Variants in ELOVL2 observed in about 807,000 individuals in gnomAD.
ELOVL2 encodes the protein very long chain fatty acid elongase 2.
A neutral mutation model predicts 37.7 loss-of-function variants in ELOVL2; 38 were observed. The ratio of observed to expected loss-of-function variants is 1.01; its 90% CI spans 0.78 to 1.32. The LOEUF is 1.32. ELOVL2 is among the 40% of genes most tolerant of loss of function. The probability of loss-of-function intolerance (pLI) is 0.00; values close to 1 mark genes in which losing one functional copy is unlikely to be tolerated. For synonymous variants in ELOVL2, 115 were observed against 122.3 expected (o/e 0.94, Z 0.40); for missense variants, 352 against 363.6 (o/e 0.97, Z 0.26).
chr6:11,024,452 C>G (rs1232187097), intron 1 of ELOVL2, among the ~76,000 whole-genome samples: 1 of 152,004 alleles, frequency 6.6e-6, no homozygotes, highest in Non-Finnish European at 1.5e-5. Context: ...TTTTAATATT[C>G]CTATTATTAG....
chr6:11,039,421 C>T (rs1283651147), intron 1 of ELOVL2, among the ~76,000 whole-genome samples: 2 of 152,142 alleles, frequency 1.3e-5, no homozygotes, highest in African/African-American at 4.8e-5. Flanking sequence ...TTAATCAGTT[C>T]CATGATATTT....
chr6:11,026,335 T>G (rs893273009), intron 1 of ELOVL2, among the ~76,000 whole-genome samples: 1 of 152,208 alleles, frequency 6.6e-6, no homozygotes, highest in Non-Finnish European at 1.5e-5. Context: ...GCCAACTCAT[T>G]TGCATAGCCT....
chr6:11,025,211 G>T (rs1782822323), intron 1 of ELOVL2, among the ~76,000 whole-genome samples: 1 of 151,994 alleles, frequency 6.6e-6, no homozygotes, highest in Non-Finnish European at 1.5e-5. Context: ...CCTCCCCTCG[G>T]GTTCCCACTC....
At chr6:10,995,937 G>T (rs554627385) in intron 4 of ELOVL2, among the ~76,000 whole-genome samples, 12 of 152,214 alleles carry the variant, frequency 7.9e-5, no homozygotes, top group Non-Finnish European at 1.5e-4. Context: ...CTGTCCAAGG[G>T]CAGTCTATGG....
chr6:11,031,724 G>A (rs957582675), intron 1 of ELOVL2, among the ~76,000 whole-genome samples: 1 of 151,904 alleles, frequency 6.6e-6, no homozygotes, highest in Admixed American at 6.6e-5. Context: ...TATGGTTTGT[G>A]TTTAATCTTG....
chr6:11,030,771 C>T (rs1293978696), intron 1 of ELOVL2, among the ~76,000 whole-genome samples: 3 of 152,156 alleles, frequency 2.0e-5, no homozygotes, highest in South Asian at 2.1e-4. Flanking sequence ...GGATTACATG[C>T]GTGAGCCACC....
chr6:10,991,558 A>G (rs1427816021), intron 5 of ELOVL2, among the ~76,000 whole-genome samples: 1 of 152,244 alleles, frequency 6.6e-6, no homozygotes, highest in African/African-American at 2.4e-5. Flanking sequence ...TGGCTAATAA[A>G]TCAATTTAAA....
chr6:11,010,947 T>A, intron 1 of ELOVL2, 138 bp from the exon 2 acceptor site: 1 of 644,732 alleles, frequency 1.6e-6, no homozygotes, highest in Non-Finnish European at 2.7e-6. Context: ...CTGCAAAGAC[T>A]TAAGGAAAGA....
Position 10,983,592 on chromosome 6 carries a change from C to T in ELOVL2, c.*189G>A, listed in dbSNP as rs1397405351. ...AGGTCCTCGGAGGTGAGCATCACCT[C>T]AATGCTGATCAAAGCATTCAGTTAA... On this transcript the variant is annotated 3_prime_UTR_variant, in exon 8 of 8. Transcript: ENST00000354666. 5.0e-6 allele frequency: 3 copies of T among 599,678 alleles called. No homozygotes were observed. Among genetic ancestry groups the T allele is most frequent in the Non-Finnish European group, 8.1e-6 (3 of 371,262 alleles). The allele number at this position is 599,678 out of a possible 1,614,324, so 37.1% of individuals were successfully genotyped here.
At chr6:11,000,791 C>T (rs1273425890) in intron 3 of ELOVL2, among the ~76,000 whole-genome samples, 1 of 152,154 alleles carries the variant, frequency 6.6e-6, no homozygotes, top group African/African-American at 2.4e-5. Flanking sequence ...AGTTCCTTGC[C>T]TAGTACCTGC....
chr6:10,987,347 C>G (rs996457947), intron 7 of ELOVL2, among the ~76,000 whole-genome samples: 7 of 152,034 alleles, frequency 4.6e-5, no homozygotes, highest in Non-Finnish European at 7.4e-5. Flanking sequence ...TCTCTATTTC[C>G]TTCAGTTCTG....
At chr6:10,988,208 A>G (rs1184677897) in intron 7 of ELOVL2, among the ~76,000 whole-genome samples, 3 of 152,232 alleles carry the variant, frequency 2.0e-5, no homozygotes, top group African/African-American at 7.2e-5. Context: ...GCCTAGTCCA[A>G]TTTCAGAAAT....
chr6:10,990,168 A>C, intron 6 of ELOVL2, 150 bp downstream of exon 6: 1 of 908,834 alleles, frequency 1.1e-6, no homozygotes, highest in Non-Finnish European at 1.6e-6. Context: ...GGGCATTTCA[A>C]CACAAAAAGT....
rs1169235373 is a variant in ELOVL2, at chr6:11,044,065, TC to T, written c.3+162del. On this transcript the variant is annotated intron_variant, in intron 1 of 7. Coordinates refer to ENST00000354666, the MANE Select transcript of ELOVL2 (RefSeq NM_017770.4). The surrounding 1 kb of genome is among the most constrained non-coding windows in gnomAD (Gnocchi z 5.6). ...CCCGGCCCAAACGCTCAGCTCCCGC[TC>T]CCCAGGCCCGCGCGGACCCGGCCCC... is the stretch of plus-strand genomic sequence containing the variant. Among the ~76,000 whole-genome samples, 2 of 150,488 alleles carry T rather than the reference TC, an allele frequency of 1.3e-5. No homozygotes were observed. The highest frequency in any genetic ancestry group is 4.9e-5 in the African/African-American group (2 of 40,902).
chr6:10,998,290 C>T (rs1782309257), intron 4 of ELOVL2, among the ~76,000 whole-genome samples: 1 of 152,156 alleles, frequency 6.6e-6, no homozygotes, highest in African/African-American at 2.4e-5. Context: ...CAAACTAATA[C>T]GATCCATTAT....
rs1561709108 is a variant in ELOVL2 at position 10,982,075 on chromosome 6, G to GT, written c.*1705dup. Reference sequence around the variant, plus strand: ...CAGAAAATGATTTAGAAAGATAAATGTAAGAGTCAGGGGCATCACACAGGA... The same window carrying GT: ...CAGAAAATGATTTAGAAAGATAAATGTTAAGAGTCAGGGGCATCACACAGGA... On this transcript the variant is annotated 3_prime_UTR_variant, in exon 8 of 8. Coordinates refer to ENST00000354666, the MANE Select transcript of ELOVL2 (RefSeq NM_017770.4). 1 of 152,248 alleles carries GT rather than the reference G, an allele frequency of 6.6e-6. No homozygotes were observed. The highest frequency in any genetic ancestry group is 6.5e-5 in the Admixed American group (1 of 15,276). The allele number at this position is 152,248 out of a possible 1,614,324, so 9.4% of individuals were successfully genotyped here. A position where few individuals can be genotyped will look rare whatever the true frequency, so the allele number is the denominator to read the frequency against.
intron 1 of ELOVL2, among the ~76,000 whole-genome samples, chr6:11,028,710 A>G (rs1782872928): frequency 6.6e-6 from 1 of 151,950 alleles, no homozygotes; most frequent in Admixed American, 6.6e-5. Context: ...TAATAGTAAT[A>G]TATTTATTAT....
intron 1 of ELOVL2, among the ~76,000 whole-genome samples, chr6:11,014,331 T>G (rs1782635916): frequency 6.6e-6 from 1 of 151,660 alleles, no homozygotes; most frequent in South Asian, 2.1e-4. Flanking sequence ...ATACAAAAAT[T>G]GGCCGGGCGT....
intron 5 of ELOVL2, among the ~76,000 whole-genome samples, chr6:10,993,674 T>C (rs570055963): frequency 6.6e-6 from 1 of 152,060 alleles, no homozygotes; most frequent in Admixed American, 6.6e-5. Flanking sequence ...ATTAATCTCA[T>C]GTCTACACTT....
Sources: gnomAD v4.1 joint callset for allele counts (sites outside exome capture counted in the v4.1 genomes callset) on GRCh38, gnomAD v4.1.1 for gene constraint, Gnocchi (gnomAD v3.1) non-coding constraint, MANE v1.5 for transcripts, NCBI Gene and HGNC (gene_info 2026-07-23, HGNC 2026-07-21) for gene names.